Variants in ANKRD11 observed in about 807,000 individuals in gnomAD.
ANKRD11 encodes ankyrin repeat domain 11, also known as ankyrin repeat domain-containing protein 11.
In ANKRD11, 17 loss-of-function variants were observed where a neutral mutation model predicts 195.7. The observed-to-expected ratio is 0.09, with a 90% CI of 0.06 to 0.13. ANKRD11 has a LOEUF of 0.13. Ranked by LOEUF, ANKRD11 falls within the 10% of genes least tolerant of loss-of-function variation. The pLI is 1.00. For synonymous variants in ANKRD11, 1,953 were observed against 1,528.1 expected, an observed-to-expected ratio of 1.28 and a Z score of -6.49; for missense variants, 3,735 against 3,566.1, an observed-to-expected ratio of 1.05 and a Z score of -1.21.
chr16:89,439,399 C>G (rs2043350479), intron 1 of ANKRD11, among the ~76,000 whole-genome samples: 2 of 152,102 alleles, frequency 1.3e-5, no homozygotes, highest in Non-Finnish European at 2.9e-5. Flanking sequence ...CCCAATAAAC[C>G]CAGTGTAAAG....
chr16:89,390,357 G>A (rs1031754562), intron 2 of ANKRD11, among the ~76,000 whole-genome samples: 1 of 152,102 alleles, frequency 6.6e-6, no homozygotes, highest in African/African-American at 2.4e-5. Flanking sequence ...AACACCGAGT[G>A]TGGCGGGGAG....
At chr16:89,387,724 C>T (rs188033915) in intron 2 of ANKRD11, among the ~76,000 whole-genome samples, 2 of 149,182 alleles carry the variant, frequency 1.3e-5, no homozygotes, top group Non-Finnish European at 3.0e-5. Context: ...TGTGCTTGGC[C>T]GGGCACGGTA....
intron 4 of ANKRD11, among the ~76,000 whole-genome samples, chr16:89,296,299 G>A (rs1462139959): frequency 6.6e-6 from 1 of 152,042 alleles, no homozygotes. Flanking sequence ...GCCCTCTGCT[G>A]CCGGCCTCTG....
At chr16:89,410,443 G>A (rs1215761853) in intron 2 of ANKRD11, among the ~76,000 whole-genome samples, 1 of 152,162 alleles carries the variant, frequency 6.6e-6, no homozygotes, top group Non-Finnish European at 1.5e-5. Context: ...GGGAGTGATG[G>A]TCTTAGCCCT....
chr16:89,457,791 G>T (rs892296237), intron 1 of ANKRD11, among the ~76,000 whole-genome samples: 1 of 152,068 alleles, frequency 6.6e-6, no homozygotes, highest in African/African-American at 2.4e-5. Flanking sequence ...TCATCCTACT[G>T]TACCTTCTAA....
chr16:89,356,537 C>T lies in ANKRD11; in HGVS notation c.-59-39459G>A, dbSNP rs186770487. 8.2e-3 allele frequency among the ~76,000 whole-genome samples: 1,231 copies of T among 150,588 alleles called. 16 individuals are homozygous for T. Among genetic ancestry groups the T allele is most frequent in the African/African-American group, 0.028 (1,152 of 40,928 alleles). On this transcript the variant is annotated intron_variant, in intron 2 of 12. Coordinates refer to ENST00000301030, the MANE Select transcript of ANKRD11 (RefSeq NM_013275.6). Reference sequence around the variant, plus strand: ...CTATAATCCCAGCTCTTTGGGAGGCCGAGGCGGGCGGATCACGAGGTCAGG... The same window carrying T: ...CTATAATCCCAGCTCTTTGGGAGGCTGAGGCGGGCGGATCACGAGGTCAGG...
chr16:89,464,120 T>A (rs2965956), intron 1 of ANKRD11, among the ~76,000 whole-genome samples: 6,992 of 151,606 alleles, frequency 0.046, 573 homozygotes, highest in African/African-American at 0.16. Context: ...GCGCCTGTAG[T>A]CCCAGCTACT....
rs2043775011 is a variant in ANKRD11, at chr16:89,446,016, A to AAC, written c.-144-27649_-144-27648insGT. 2.0e-5 allele frequency among the ~76,000 whole-genome samples: 3 copies of AAC among 148,460 alleles called. No individual in the cohort carries two copies. The East Asian group carries it at 6.0e-4, about 30-fold the overall frequency. On this transcript the variant is annotated intron_variant, in intron 1 of 12. Transcript: ENST00000301030. ...AATTTTTTGTTAAAAAAAAAAAAAAAAAAACCAGCCTAGTATATGTTCCTG... is the reference window on the plus strand; with the variant it reads ...AATTTTTTGTTAAAAAAAAAAAAAAAACAAAACCAGCCTAGTATATGTTCCTG...
intron 2 of ANKRD11, among the ~76,000 whole-genome samples, chr16:89,385,807 C>A (rs1260816273): frequency 6.6e-6 from 1 of 152,252 alleles, no homozygotes. Context: ...TGCCTCACCC[C>A]CGCCGCTGCG....
chr16:89,392,562 T>C (rs117472268), intron 2 of ANKRD11: 287 of 152,156 alleles, frequency 1.9e-3, no homozygotes, highest in Non-Finnish European at 1.4e-3. Context: ...CCAGGGTCCA[T>C]GCAGTTCAAG....
At chr16:89,329,349 T>C (rs919322766) in intron 2 of ANKRD11, among the ~76,000 whole-genome samples, 89 of 152,210 alleles carry the variant, frequency 5.8e-4, no homozygotes, top group African/African-American at 2.1e-3. Flanking sequence ...CAAGGGATGC[T>C]GCTATTTTTG....
chr16:89,294,233 G>T (rs150024212), intron 4 of ANKRD11, among the ~76,000 whole-genome samples: 1 of 152,108 alleles, frequency 6.6e-6, no homozygotes, highest in African/African-American at 2.4e-5. Context: ...CCAGCAATTC[G>T]CATGGAAGGT....
Position 89,285,920 on chromosome 16 carries a change from T to C in ANKRD11, c.892+119A>G. On this transcript the variant is annotated intron_variant, in intron 8 of 12. Transcript: ENST00000301030. The surrounding 1 kb of genome is among the most constrained non-coding windows in gnomAD (Gnocchi z 5.6). The stretch of plus-strand genomic sequence containing the variant: ...GGGTCTCCCGCAGTCCAGAAGCTCC[T>C]GTAAGCCCCCAGCATCCGAGGAGGA... 6.5e-7 allele frequency: 1 copy of C among 1,528,340 alleles called. No homozygotes were observed. The highest frequency in any genetic ancestry group is 1.4e-5 in the African/African-American group (1 of 73,384). 94.7% of individuals were successfully genotyped at this position (1,528,340 alleles called of 1,614,324 possible).
intron 4 of ANKRD11, among the ~76,000 whole-genome samples, chr16:89,301,980 T>C (rs1442223148): frequency 6.6e-6 from 1 of 151,724 alleles, no homozygotes; most frequent in Non-Finnish European, 1.5e-5. Flanking sequence ...TGACCCTGCA[T>C]CCCTCCCACC....
At chr16:89,469,764 TGGCG>T (rs1395477008) in intron 1 of ANKRD11, among the ~76,000 whole-genome samples, 7 of 147,128 alleles carry the variant, frequency 4.8e-5, no homozygotes, top group African/African-American at 1.7e-4. Context: ...CTGGGCGTGG[TGGCG>T]GGCGCCTGTA....
intron 1 of ANKRD11, among the ~76,000 whole-genome samples, chr16:89,472,573 G>GC (rs1465151187): frequency 3.9e-5 from 6 of 152,128 alleles, no homozygotes; most frequent in African/African-American, 1.4e-4. Context: ...AGGCTGGAGG[G>GC]CAGTGGCACA....
rs770767142 is a variant in ANKRD11 at position 89,291,203 on chromosome 16, G to T, written c.227-20C>A. ...GCTTCTCTGTGAGGCGGGCGAGGGA[G>T]AGAGGGAGGAGAGATTTCATGCCAT... On this transcript the variant is annotated intron_variant, in intron 4 of 12. Coordinates refer to ENST00000301030, the MANE Select transcript of ANKRD11 (RefSeq NM_013275.6). The surrounding 1 kb of genome is among the most constrained non-coding windows in gnomAD (Gnocchi z 5.3). The T allele has an allele frequency of 3.7e-6, 6 of 1,611,622 alleles. No homozygotes were observed. Among genetic ancestry groups the T allele is most frequent in the Non-Finnish European group, 5.1e-6 (6 of 1,179,880 alleles).
At chr16:89,455,443 G>C (rs1368802726) in intron 1 of ANKRD11, among the ~76,000 whole-genome samples, 1 of 152,104 alleles carries the variant, frequency 6.6e-6, no homozygotes. Context: ...CCACACAGGA[G>C]CTACACGCAC....
intron 2 of ANKRD11, among the ~76,000 whole-genome samples, chr16:89,361,106 C>G (rs1260717830): frequency 6.6e-6 from 1 of 152,232 alleles, no homozygotes; most frequent in African/African-American, 2.4e-5. Context: ...TTGTGGAAAC[C>G]TGTCAACCCA....
Sources: allele counts gnomAD v4.1 joint callset (sites outside exome capture counted in the v4.1 genomes callset), GRCh38; gene constraint gnomAD v4.1.1; non-coding constraint Gnocchi (gnomAD v3.1); transcripts MANE v1.5; gene names NCBI Gene and HGNC (gene_info 2026-07-23, HGNC 2026-07-21).